SUPT3H: variants seen among roughly 807,000 people sequenced by gnomAD.
The protein encoded by SUPT3H is transcription initiation protein SPT3 homolog.
In SUPT3H, 44 loss-of-function variants were observed where a neutral mutation model predicts 44.3. The ratio of observed to expected loss-of-function variants is 0.99; its 90% confidence interval spans 0.78 to 1.28. The LOEUF (loss-of-function observed/expected upper bound fraction) is 1.28, where lower values mean the gene tolerates loss of function less well. SUPT3H is among the 50% of genes most tolerant of loss of function. The pLI is 0.00. For synonymous variants in SUPT3H, 124 were observed against 125.6 expected (o/e 0.99, Z 0.09); for missense variants, 380 against 387.1 (o/e 0.98, Z 0.15).
intron 2 of SUPT3H, among the ~76,000 whole-genome samples, chr6:45,282,080 C>T (rs935879271): frequency 1.3e-5 from 2 of 152,080 alleles, no homozygotes; most frequent in Middle Eastern, 3.2e-3. Flanking sequence ...CAACAAAAGC[C>T]CATCTGTACG....
chr6:44,828,043 A>G lies in SUPT3H; in HGVS notation c.*1773T>C, dbSNP rs558432798. On this transcript the variant is annotated 3_prime_UTR_variant, in exon 11 of 11. Transcript: ENST00000371459. ...AACGAAGGAAAAAAACCCAAACCCT[A>G]TATTTTCTGCCTTGTGCATACTTTA... is the stretch of plus-strand genomic sequence containing the variant. 8.5e-5 allele frequency among the ~76,000 whole-genome samples: 13 copies of G among 152,208 alleles called. No homozygotes were observed. The highest frequency in any genetic ancestry group is 4.1e-4 in the South Asian group (2 of 4,832).
intron 3 of SUPT3H, among the ~76,000 whole-genome samples, chr6:45,094,646 T>C (rs979383445): frequency 6.6e-6 from 1 of 152,094 alleles, no homozygotes; most frequent in Non-Finnish European, 1.5e-5. Flanking sequence ...AATATGCCCA[T>C]TTTAAAAACT....
chr6:45,043,385 T>C lies in SUPT3H; in HGVS notation c.187-22753A>G, dbSNP rs183811344. 2.6e-5 allele frequency among the ~76,000 whole-genome samples: 4 copies of C among 152,248 alleles called. No individual in the cohort carries two copies. In the East Asian group the frequency reaches 5.8e-4, roughly 22 times the overall value. On this transcript the variant is annotated intron_variant, in intron 3 of 10. Coordinates refer to ENST00000371459, the MANE Select transcript of SUPT3H (RefSeq NM_003599.4). ...GTTTGTTACATGGGTGAGTTGTGTG[T>C]CACTGAGGTTTGGTGTATGAATGAT...
chr6:44,972,065 C>A (rs956376436), intron 6 of SUPT3H, among the ~76,000 whole-genome samples: 1 of 151,598 alleles, frequency 6.6e-6, no homozygotes, highest in South Asian at 2.1e-4. Context: ...TGAGCCACTG[C>A]GCCCAGCCAA....
At chr6:44,908,579 G>A (rs531799736) in intron 10 of SUPT3H, among the ~76,000 whole-genome samples, 10 of 152,224 alleles carry the variant, frequency 6.6e-5, no homozygotes, top group African/African-American at 2.2e-4. Flanking sequence ...CTGGTACTAT[G>A]GGGAAAGTAT....
At chr6:44,867,183 ACT>A (rs1232918721) in intron 10 of SUPT3H, among the ~76,000 whole-genome samples, 1 of 150,224 alleles carries the variant, frequency 6.7e-6, no homozygotes, top group African/African-American at 2.5e-5. Context: ...ATGGAGTCTC[ACT>A]CTGTCACCCA....
chr6:45,137,191 TAAAAG>T (rs538336347), intron 2 of SUPT3H, among the ~76,000 whole-genome samples: 5 of 152,068 alleles, frequency 3.3e-5, no homozygotes, highest in South Asian at 2.1e-4. Context: ...ATTCACAGAT[TAAAAG>T]AAAAGAAAAA....
intron 2 of SUPT3H, among the ~76,000 whole-genome samples, chr6:45,279,935 G>A (rs1011373335): frequency 2.0e-5 from 3 of 152,008 alleles, no homozygotes; most frequent in Non-Finnish European, 2.9e-5. Context: ...TGCTCTACTT[G>A]CACTCCATGA....
intron 3 of SUPT3H, among the ~76,000 whole-genome samples, chr6:45,086,722 G>A (rs142109971): frequency 2.0e-4 from 30 of 151,960 alleles, no homozygotes; most frequent in Non-Finnish European, 3.5e-4. Flanking sequence ...GATGTCACAG[G>A]AGTAACCAGA....
At chr6:45,012,947 G>C (rs1184561994) in intron 5 of SUPT3H, among the ~76,000 whole-genome samples, 2 of 152,076 alleles carry the variant, frequency 1.3e-5, no homozygotes, top group Non-Finnish European at 2.9e-5. Flanking sequence ...CATAACCAGA[G>C]ATGACTGTAG....
At chr6:44,925,179 A>AG (rs1769336251) in intron 10 of SUPT3H, among the ~76,000 whole-genome samples, 1 of 152,168 alleles carries the variant, frequency 6.6e-6, no homozygotes, top group Non-Finnish European at 1.5e-5. Flanking sequence ...ATTTACATCA[A>AG]AGTAAATGGG....
rs1767955475 is a variant in SUPT3H, at chr6:44,827,995, T to C, written c.*1821A>G. On this transcript the variant is annotated 3_prime_UTR_variant, in exon 11 of 11. Transcript: ENST00000371459. ...ACATTGAGTCTTCCTTCTCTGGGAC[T>C]ATAAGGAGATCAGGTGGAATAAAAC... 6.6e-6 allele frequency among the ~76,000 whole-genome samples: 1 copy of C among 152,084 alleles called. No homozygotes were observed. Among genetic ancestry groups the C allele is most frequent in the Admixed American group, 6.6e-5 (1 of 15,252 alleles).
chr6:45,133,799 T>C (rs886209969), intron 2 of SUPT3H, among the ~76,000 whole-genome samples: 5 of 152,206 alleles, frequency 3.3e-5, no homozygotes, highest in Non-Finnish European at 5.9e-5. Context: ...TGATTTAGTA[T>C]TGTCAGTTAA....
In SUPT3H at chr6:45,321,826, T is replaced by C. The variant is rs776717193; in HGVS notation, c.101+43375A>G. The C allele has an allele frequency of 1.2e-5, 19 of 1,606,616 alleles. No homozygotes were observed. Among genetic ancestry groups the C allele is most frequent in the Middle Eastern group, 1.7e-4 (1 of 5,978 alleles). ...AGAATCATTCAGCAGTGGAAGGATA[T>C]TGTGATAACAATAGGGAAAAACTGA... On this transcript the variant is annotated intron_variant, in intron 2 of 10. Transcript: ENST00000371459.
At chr6:44,962,402 G>A (rs1418099176) in intron 6 of SUPT3H, among the ~76,000 whole-genome samples, 1 of 152,126 alleles carries the variant, frequency 6.6e-6, no homozygotes, top group Non-Finnish European at 1.5e-5. Context: ...TATAGCAGAT[G>A]TTTACTGCTT....
At chr6:44,983,821 C>T (rs971829466) in intron 6 of SUPT3H, among the ~76,000 whole-genome samples, 3 of 152,154 alleles carry the variant, frequency 2.0e-5, no homozygotes, top group African/African-American at 7.2e-5. Context: ...ACTGGAAGTA[C>T]ACTTTACTTT....
intron 6 of SUPT3H, among the ~76,000 whole-genome samples, chr6:44,964,636 T>C (rs1454790981): frequency 6.6e-6 from 1 of 152,170 alleles, no homozygotes; most frequent in Non-Finnish European, 1.5e-5. Flanking sequence ...CCAATGCCTA[T>C]TCTCTTTTCT....
chr6:45,062,276 AAAT>A (rs529970493), intron 3 of SUPT3H, among the ~76,000 whole-genome samples: 198 of 152,078 alleles, frequency 1.3e-3, no homozygotes, highest in African/African-American at 4.6e-3. Context: ...GAAAAAGTTG[AAAT>A]AATAAAAATT....
chr6:45,331,126 T>TGTGC (rs1554347257), intron 2 of SUPT3H, among the ~76,000 whole-genome samples: 34 of 132,916 alleles, frequency 2.6e-4, no homozygotes, highest in African/African-American at 8.8e-4. Flanking sequence ...TGTGTGTGTG[T>TGTGC]GCGCGCGCGC....
Sources: allele counts gnomAD v4.1 joint callset (sites outside exome capture counted in the v4.1 genomes callset), GRCh38; gene constraint gnomAD v4.1.1; transcripts MANE v1.5; gene names NCBI Gene and HGNC (gene_info 2026-07-23, HGNC 2026-07-21).